Variants in WDR27 observed in about 807,000 individuals in gnomAD.
The protein encoded by WDR27 is WD repeat-containing protein 27.
In WDR27, 100 loss-of-function variants were observed where a neutral mutation model predicts 114.4. That is an observed-to-expected ratio of 0.87 (90% CI 0.74 to 1.03). WDR27 has a LOEUF of 1.03. WDR27 is among the 50% of genes least tolerant of loss of function. WDR27 has a pLI of 0.00. For missense variants in WDR27, 1,129 were observed against 1,092.9 expected (o/e 1.03, Z -0.47); for synonymous variants, 449 against 423.1 (o/e 1.06, Z -0.75).
chr6:169,453,017 G>T (rs1373457770), downstream of WDR27, among the ~76,000 whole-genome samples: 1 of 152,204 alleles, frequency 6.6e-6, no homozygotes, highest in Non-Finnish European at 1.5e-5. Context: ...ACAAGGCTGG[G>T]CACTGGCTTC....
intron 25 of WDR27, among the ~76,000 whole-genome samples, chr6:169,477,609 C>A (rs1353449118): frequency 6.6e-6 from 1 of 152,094 alleles, no homozygotes; most frequent in African/African-American, 2.4e-5. Context: ...CAGCTAATTT[C>A]TGTATTTTTA....
At position 169,644,728 on chromosome 6, in the gene WDR27, G is replaced by GTTCACAC. The variant is rs1156306667; in HGVS notation, c.1658-943_1658-942insGTGTGAA. ...ACGAGTCACACTGTAGAAAATCCTA[G>GTTCACAC]GCCGGGCGCGGTGGCTCACGCCTGT... On this transcript the variant is annotated intron_variant, in intron 16 of 25. Coordinates refer to ENST00000448612, the MANE Select transcript of WDR27 (RefSeq NM_182552.5). 7.4e-4 allele frequency among the ~76,000 whole-genome samples: 90 copies of GTTCACAC among 121,274 alleles called. 3 individuals carry two copies. Among genetic ancestry groups the GTTCACAC allele is most frequent in the East Asian group, 2.3e-3 (5 of 2,206 alleles). The allele number at this position is 121,274 out of a possible 152,430, so 79.6% of individuals were successfully genotyped here.
At chr6:169,458,309 C>T (rs1224513300) in intron 25 of WDR27, among the ~76,000 whole-genome samples, 3 of 152,130 alleles carry the variant, frequency 2.0e-5, no homozygotes, top group African/African-American at 7.2e-5. Context: ...GTTCTCTGAT[C>T]AGCGATGGAT....
At chr6:169,478,460 A>G (rs1787498082) in intron 25 of WDR27, among the ~76,000 whole-genome samples, 1 of 152,198 alleles carries the variant, frequency 6.6e-6, no homozygotes, top group Non-Finnish European at 1.5e-5. Context: ...CTTGTACCTC[A>G]GGTTAAGTCG....
Position 169,638,091 on chromosome 6 carries a change from TG to T in WDR27, c.1869+447del, listed in dbSNP as rs527903396. Among the ~76,000 whole-genome samples the T allele has an allele frequency of 6.5e-3, 494 of 76,534 alleles. 84 individuals are homozygous for T. Among genetic ancestry groups the T allele is most frequent in the Non-Finnish European group, 9.6e-3 (383 of 40,090 alleles). 50.2% of individuals were successfully genotyped at this position (76,534 alleles called of 152,430 possible). On this transcript the variant is annotated intron_variant, in intron 18 of 25. Transcript: ENST00000448612. ...CAGCACTTTGGGAGGCCGAGGCGGGTGGATCATGAGGTCAGGAGATCGAGAC... is the reference window on the plus strand; with the variant it reads ...CAGCACTTTGGGAGGCCGAGGCGGGTGATCATGAGGTCAGGAGATCGAGAC...
At chr6:169,691,693 T>C (rs1488310811) in intron 1 of WDR27, among the ~76,000 whole-genome samples, 1 of 152,268 alleles carries the variant, frequency 6.6e-6, no homozygotes, top group Non-Finnish European at 1.5e-5. Flanking sequence ...CTGTAATTCC[T>C]ATAGAATTCA....
At chr6:169,682,154 C>T (rs1254695468) in intron 2 of WDR27, among the ~76,000 whole-genome samples, 12 of 152,054 alleles carry the variant, frequency 7.9e-5, no homozygotes, top group African/African-American at 2.4e-4. Flanking sequence ...ATCTTATTGG[C>T]GCAGGGTCTC....
At chr6:169,505,511 T>TA (rs879274510) in intron 25 of WDR27, among the ~76,000 whole-genome samples, 67,266 of 151,380 alleles carry the variant, frequency 0.44, 18,561 homozygotes, top group Non-Finnish European at 0.63. Flanking sequence ...GAGAAATTTG[T>TA]CCTAGGTTAT....
At chr6:169,569,287 C>T (rs1440338756) in intron 25 of WDR27, among the ~76,000 whole-genome samples, 1 of 152,168 alleles carries the variant, frequency 6.6e-6, no homozygotes, top group East Asian at 1.9e-4. Flanking sequence ...GCCTTTAATC[C>T]TATTTAATAT....
At chr6:169,664,463 G>A (rs984450496) in intron 7 of WDR27, 177 bp from the exon 8 acceptor site, 53 of 1,460,090 alleles carry the variant, frequency 3.6e-5, no homozygotes, top group Middle Eastern at 2.5e-4. Flanking sequence ...GAGGCCCTCC[G>A]TACGGCCCAC....
the WDR27 span, among the ~76,000 whole-genome samples, chr6:169,448,371 T>C: frequency 1.3e-5 from 2 of 148,974 alleles, no homozygotes; most frequent in African/African-American, 2.5e-5. Context: ...TCTCTCTCTC[T>C]CTCCCTCTGT....
intron 25 of WDR27, among the ~76,000 whole-genome samples, chr6:169,482,961 G>A (rs553643221): frequency 6.6e-6 from 1 of 152,296 alleles, no homozygotes; most frequent in South Asian, 2.1e-4. Flanking sequence ...AATGAAGGCA[G>A]ATATCAAGGA....
chr6:169,486,396 G>A (rs1024140490), intron 25 of WDR27, among the ~76,000 whole-genome samples: 9 of 152,168 alleles, frequency 5.9e-5, no homozygotes, highest in Non-Finnish European at 1.2e-4. Flanking sequence ...GGCTGTGAAT[G>A]TCCCTGTCCA....
At chr6:169,672,480 T>C in intron 2 of WDR27, 84 bp from the exon 3 acceptor site, 2 of 1,328,448 alleles carry the variant, frequency 1.5e-6, no homozygotes, top group South Asian at 1.6e-5. Context: ...CCTAAGAAAT[T>C]AAAAGATTGA....
intron 1 of WDR27, among the ~76,000 whole-genome samples, chr6:169,697,508 C>G (rs867980949): frequency 6.6e-6 from 1 of 152,182 alleles, no homozygotes; most frequent in Non-Finnish European, 1.5e-5. Flanking sequence ...CAGTCAGGCT[C>G]GCCCACTGTA....
chr6:169,665,349 A>C, intron 7 of WDR27, 137 bp downstream of exon 7: 3 of 1,426,984 alleles, frequency 2.1e-6, no homozygotes, highest in Non-Finnish European at 2.8e-6. Flanking sequence ...ACAGAAGGTC[A>C]CGTTCTCAGC....
At position 169,600,649 on chromosome 6, in the gene WDR27, G is replaced by A. The variant is rs953753709; in HGVS notation, c.2424+1570C>T. Among the ~76,000 whole-genome samples the A allele has an allele frequency of 7.9e-5, 12 of 152,304 alleles. No homozygotes were observed. The East Asian group carries it at 2.1e-3, about 27-fold the overall frequency. ...CTAATGGAGCTGAAAACCACGGCAC[G>A]AGAACTACGTGACGAATGCACAAGC... is the stretch of plus-strand genomic sequence containing the variant. On this transcript the variant is annotated intron_variant, in intron 23 of 25. Coordinates refer to ENST00000448612, the MANE Select transcript of WDR27 (RefSeq NM_182552.5).
At chr6:169,517,323 G>A (rs923960117) in intron 25 of WDR27, among the ~76,000 whole-genome samples, 2 of 152,194 alleles carry the variant, frequency 1.3e-5, no homozygotes, top group Non-Finnish European at 2.9e-5. Flanking sequence ...GCGGAACCAT[G>A]AGCCAATTAA....
chr6:169,599,649 C>T lies in WDR27; in HGVS notation c.2424+2570G>A, dbSNP rs185979479. On this transcript the variant is annotated intron_variant, in intron 23 of 25. Transcript: ENST00000448612. ...TATTGCATCTATTTGATTCTTCTCTCTTTTCTTCTTTATTAGTCCTGCTAG... is the reference window on the plus strand; with the variant it reads ...TATTGCATCTATTTGATTCTTCTCTTTTTTCTTCTTTATTAGTCCTGCTAG... 2.9e-3 allele frequency among the ~76,000 whole-genome samples: 436 copies of T among 152,252 alleles called. 3 individuals are homozygous for T. The highest frequency in any genetic ancestry group is 0.01 in the African/African-American group (420 of 41,534).
Sources: gnomAD v4.1 joint callset for allele counts (sites outside exome capture counted in the v4.1 genomes callset) on GRCh38, gnomAD v4.1.1 for gene constraint, MANE v1.5 for transcripts, NCBI Gene and HGNC (gene_info 2026-07-23, HGNC 2026-07-21) for gene names.